Variants in NRG3 observed in about 807,000 individuals in gnomAD.
The protein encoded by NRG3 is neuregulin 3.
A neutral mutation model predicts 66.9 loss-of-function variants in NRG3; 31 were observed. The ratio of observed to expected loss-of-function variants is 0.46; its 90% CI spans 0.35 to 0.63. The LOEUF (loss-of-function observed/expected upper bound fraction) is 0.63, where lower values mean the gene tolerates loss of function less well. Among genes scored for constraint, NRG3 ranks in the 20% least tolerant of loss-of-function variants. The pLI is 0.00. For missense variants in NRG3, 910 were observed against 878.9 expected (o/e 1.04, Z -0.45); for synonymous variants, 393 against 359.4 (o/e 1.09, Z -1.06).
chr10:81,914,189 G>T (rs919630079), intron 1 of NRG3, among the ~76,000 whole-genome samples: 1 of 152,040 alleles, frequency 6.6e-6, no homozygotes, highest in Non-Finnish European at 1.5e-5. Flanking sequence ...CAATGAACAC[G>T]TATTACCTTT....
At chr10:82,307,261 C>G (rs1407865821) in intron 1 of NRG3, among the ~76,000 whole-genome samples, 1 of 151,944 alleles carries the variant, frequency 6.6e-6, no homozygotes, top group East Asian at 1.9e-4. Flanking sequence ...TTATTCTTTT[C>G]CATATTTTTA....
chr10:82,323,162 T>C (rs2081667658), intron 1 of NRG3, among the ~76,000 whole-genome samples: 1 of 152,226 alleles, frequency 6.6e-6, no homozygotes, highest in African/African-American at 2.4e-5. Flanking sequence ...TTATAACCTT[T>C]AACAGTTGGA....
At chr10:82,978,209 C>G (rs1294869553) in intron 7 of NRG3, among the ~76,000 whole-genome samples, 1 of 152,060 alleles carries the variant, frequency 6.6e-6, no homozygotes, top group African/African-American at 2.4e-5. Context: ...TTTATAGAGT[C>G]TAGTTCTTTT....
At chr10:81,910,739 C>G (rs1845057095) in intron 1 of NRG3, among the ~76,000 whole-genome samples, 1 of 152,158 alleles carries the variant, frequency 6.6e-6, no homozygotes, top group Non-Finnish European at 1.5e-5. Context: ...CCTCAAACTC[C>G]TGGGCTCAAG....
intron 1 of NRG3, among the ~76,000 whole-genome samples, chr10:81,941,696 C>G (rs769044397): frequency 6.6e-6 from 1 of 152,012 alleles, no homozygotes; most frequent in Non-Finnish European, 1.5e-5. Flanking sequence ...GCAGTATGTC[C>G]AGTTTATTCA....
At chr10:82,161,208 G>C (rs547554369) in intron 1 of NRG3, among the ~76,000 whole-genome samples, 34 of 152,234 alleles carry the variant, frequency 2.2e-4, no homozygotes, top group African/African-American at 7.9e-4. Context: ...GGTTAGTGCT[G>C]GAAGAATTGG....
chr10:82,894,034 C>T (rs888692344), intron 4 of NRG3, among the ~76,000 whole-genome samples: 2 of 152,142 alleles, frequency 1.3e-5, no homozygotes, highest in Non-Finnish European at 2.9e-5. Flanking sequence ...TTCTATAAAA[C>T]GTACCAGCAA....
chr10:82,617,856 C>T (rs922689), intron 2 of NRG3, among the ~76,000 whole-genome samples: 1 of 152,128 alleles, frequency 6.6e-6, no homozygotes, highest in Admixed American at 6.5e-5. Context: ...GCAAATGCGT[C>T]TAATGTGCTG....
At chr10:82,878,988 C>T (rs897390830) in intron 4 of NRG3, among the ~76,000 whole-genome samples, 6 of 152,162 alleles carry the variant, frequency 3.9e-5, no homozygotes, top group African/African-American at 1.2e-4. Flanking sequence ...CTTATCTGCA[C>T]GTGGTTGATT....
intron 1 of NRG3, among the ~76,000 whole-genome samples, chr10:82,085,022 T>C (rs1354044655): frequency 2.6e-5 from 4 of 152,086 alleles, no homozygotes; most frequent in African/African-American, 9.7e-5. Flanking sequence ...GGAACAAATA[T>C]TTAAGTTGAA....
At chr10:82,319,982 C>G (rs996412565) in intron 1 of NRG3, among the ~76,000 whole-genome samples, 8 of 152,158 alleles carry the variant, frequency 5.3e-5, no homozygotes, top group Admixed American at 5.2e-4. Flanking sequence ...TTTTCAAAGC[C>G]TTTCAGAGTA....
At chr10:82,731,944 T>C (rs1344600476) in intron 2 of NRG3, among the ~76,000 whole-genome samples, 2 of 152,194 alleles carry the variant, frequency 1.3e-5, no homozygotes, top group Non-Finnish European at 1.5e-5. Flanking sequence ...TAGTTATGAC[T>C]ATAGTTAATA....
chr10:81,976,560 A>G (rs1014563984), intron 1 of NRG3, among the ~76,000 whole-genome samples: 1 of 152,218 alleles, frequency 6.6e-6, no homozygotes. Flanking sequence ...TTTTTCATCA[A>G]TGGAAAGAAA....
intron 2 of NRG3, among the ~76,000 whole-genome samples, chr10:82,611,844 A>G (rs2048336852): frequency 6.6e-6 from 1 of 152,190 alleles, no homozygotes; most frequent in African/African-American, 2.4e-5. Context: ...GAATCACCAC[A>G]CTGTCTTCCA....
In NRG3 at chr10:81,963,151, T is replaced by TTTTTTTTTTG. The variant is rs745834169; in HGVS notation, c.823+86988_823+86989insTTTTTTTTTG. Among the ~76,000 whole-genome samples, 7 of 135,450 alleles carry TTTTTTTTTTG rather than the reference T, an allele frequency of 5.2e-5. 1 individual carries two copies. The highest frequency in any genetic ancestry group is 2.0e-4 in the African/African-American group (7 of 35,832). 88.9% of individuals were successfully genotyped at this position (135,450 alleles called of 152,430 possible). Reference sequence around the variant, plus strand: ...TTTTTTTTTTTTTTTTTTTTTTTTTTGAGACGGAGTCTCGCTCTGTCGCCC... The same window carrying TTTTTTTTTTG: ...TTTTTTTTTTTTTTTTTTTTTTTTTTTTTTTTTTTGGAGACGGAGTCTCGCTCTGTCGCCC... On this transcript the variant is annotated intron_variant, in intron 1 of 8. Transcript: ENST00000372141.
At chr10:82,842,052 AC>A (rs2063080261) in intron 3 of NRG3, among the ~76,000 whole-genome samples, 1 of 152,128 alleles carries the variant, frequency 6.6e-6, no homozygotes, top group South Asian at 2.1e-4. Context: ...GGAGTTTGAG[AC>A]CAGCCTGGTC....
At chr10:82,636,017 A>G (rs1325008343) in intron 2 of NRG3, among the ~76,000 whole-genome samples, 4 of 152,206 alleles carry the variant, frequency 2.6e-5, no homozygotes, top group Non-Finnish European at 5.9e-5. Flanking sequence ...GGAAAGGAGT[A>G]GTAGCAACAA....
chr10:82,027,799 G>T (rs1447755877), intron 1 of NRG3, among the ~76,000 whole-genome samples: 1 of 152,074 alleles, frequency 6.6e-6, no homozygotes, highest in Non-Finnish European at 1.5e-5. Context: ...ACTGATAGAG[G>T]CTCCAACCAA....
At chr10:82,592,914 A>AT (rs2047064495) in intron 2 of NRG3, among the ~76,000 whole-genome samples, 1 of 152,218 alleles carries the variant, frequency 6.6e-6, no homozygotes, top group Non-Finnish European at 1.5e-5. Flanking sequence ...TGGGTGAAGC[A>AT]GCTTTGGCTC....
Sources: gnomAD v4.1 joint callset for allele counts (sites outside exome capture counted in the v4.1 genomes callset) on GRCh38, gnomAD v4.1.1 for gene constraint, MANE v1.5 for transcripts, NCBI Gene and HGNC (gene_info 2026-07-23, HGNC 2026-07-21) for gene names.